Variants in NBEA observed in about 807,000 individuals in gnomAD.
NBEA encodes the protein neurobeachin.
NBEA carries 44 observed loss-of-function variants against 343.4 expected under a neutral mutation model. That is an observed-to-expected ratio of 0.13 (90% CI 0.10 to 0.16). NBEA has a LOEUF of 0.16. Ranked by LOEUF, NBEA falls within the 10% of genes least tolerant of loss-of-function variation. The probability of loss-of-function intolerance (pLI) is 1.00; values close to 1 mark genes in which losing one functional copy is unlikely to be tolerated. For synonymous variants in NBEA, 1,175 were observed against 1,238.7 expected, an observed-to-expected ratio of 0.95 and a Z score of 1.08; for missense variants, 2,555 against 3,631.3, an observed-to-expected ratio of 0.70 and a Z score of 7.62.
intron 35 of NBEA, among the ~76,000 whole-genome samples, chr13:35,299,452 A>G (rs1434277447): frequency 1.1e-4 from 17 of 152,194 alleles, no homozygotes; most frequent in Non-Finnish European, 1.5e-5. Context: ...TGTGAAGAGA[A>G]CATAGGGATT....
rs561129544 is a variant in NBEA at position 35,074,607 on chromosome 13, G to A, written c.1571+3755G>A. Among the ~76,000 whole-genome samples, 5 of 152,270 alleles carry A rather than the reference G, an allele frequency of 3.3e-5. No individual in the cohort carries two copies. The South Asian group carries it at 1.0e-3, about 32-fold the overall frequency. On this transcript the variant is annotated intron_variant, in intron 10 of 58. Transcript: ENST00000379939. ...TGTTTTATACTGTCCGATGTTAGGT[G>A]ATGGGATATTCATGGGTGTGTAGTA...
At chr13:35,620,961 G>A (rs1240577141) in intron 48 of NBEA, among the ~76,000 whole-genome samples, 2 of 152,124 alleles carry the variant, frequency 1.3e-5, no homozygotes, top group Admixed American at 1.3e-4. Flanking sequence ...ATTTTAGAGA[G>A]TTCAGCTAAA....
intron 41 of NBEA, among the ~76,000 whole-genome samples, chr13:35,543,936 C>G (rs963486077): frequency 1.3e-5 from 2 of 152,114 alleles, no homozygotes; most frequent in Non-Finnish European, 2.9e-5. Flanking sequence ...GATCGACTTT[C>G]CTTCAGGGCC....
chr13:35,388,019 A>G (rs546318693), intron 38 of NBEA, among the ~76,000 whole-genome samples: 1 of 152,286 alleles, frequency 6.6e-6, no homozygotes, highest in East Asian at 1.9e-4. Context: ...ACTGAAACAG[A>G]AATGCATTAT....
chr13:35,144,297 G>A (rs2068278880), intron 18 of NBEA, among the ~76,000 whole-genome samples: 1 of 152,128 alleles, frequency 6.6e-6, no homozygotes, highest in African/African-American at 2.4e-5. Flanking sequence ...CAGTAAAAGG[G>A]TAGATATTTC....
chr13:35,468,555 G>A (rs2075501238), intron 40 of NBEA, among the ~76,000 whole-genome samples: 1 of 152,072 alleles, frequency 6.6e-6, no homozygotes. Context: ...GCCCAATCCA[G>A]AGCAAAGCCC....
At chr13:34,971,664 T>C (rs2059999343) in intron 1 of NBEA, among the ~76,000 whole-genome samples, 1 of 152,186 alleles carries the variant, frequency 6.6e-6, no homozygotes, top group Admixed American at 6.5e-5. Flanking sequence ...TTTATTGATT[T>C]TTTTATGTTG....
At chr13:35,661,836 G>T (rs1566477575) in intron 55 of NBEA, among the ~76,000 whole-genome samples, 1 of 152,062 alleles carries the variant, frequency 6.6e-6, no homozygotes, top group Non-Finnish European at 1.5e-5. Context: ...AATATCTTCT[G>T]CCATGATTCT....
chr13:35,290,693 CT>C (rs1404730675), intron 35 of NBEA, among the ~76,000 whole-genome samples: 3 of 150,892 alleles, frequency 2.0e-5, no homozygotes, highest in Non-Finnish European at 4.4e-5. Context: ...TTCTCCTACC[CT>C]TTCGATTCTT....
Position 35,050,274 on chromosome 13 carries a change from G to A in NBEA, c.851G>A (p.Arg284His), listed in dbSNP as rs774093289. The A allele has an allele frequency of 4.1e-5, 66 of 1,607,610 alleles. No individual in the cohort carries two copies. Among genetic ancestry groups the A allele is most frequent in the Non-Finnish European group, 5.0e-5 (59 of 1,177,248 alleles). ...ATTCTCAGTTGTCTTTGCAGTTTTC[G>A]TACTAGCAAAGGAGTTGGTTACTCT... ...DKDKPYLYCF[R>H]TSKGVGYSAH... Residue 284 changes from arginine (R) to histidine (H), a missense_variant, in exon 6 of 59, where the codon CGT (arginine) becomes CAT (histidine). Transcript: ENST00000379939.
At chr13:35,356,696 A>G (rs1422099207) in intron 38 of NBEA, among the ~76,000 whole-genome samples, 1 of 151,888 alleles carries the variant, frequency 6.6e-6, no homozygotes, top group Non-Finnish European at 1.5e-5. Flanking sequence ...TATTCTTTTG[A>G]TCTCTTGTGT....
intron 36 of NBEA, among the ~76,000 whole-genome samples, chr13:35,334,689 T>C (rs1340419231): frequency 3.3e-5 from 5 of 152,230 alleles, no homozygotes; most frequent in Non-Finnish European, 7.3e-5. Flanking sequence ...ATTTGCCCAT[T>C]TCTAAATGGA....
chr13:35,564,490 T>C (rs1388633287), intron 44 of NBEA, among the ~76,000 whole-genome samples: 1 of 152,078 alleles, frequency 6.6e-6, no homozygotes, highest in Admixed American at 6.6e-5. Flanking sequence ...TATATACATA[T>C]AAAAAAAGTA....
At chr13:35,044,868 T>C in intron 2 of NBEA, 79 bp from the exon 3 acceptor site, 2 of 1,035,742 alleles carry the variant, frequency 1.9e-6, no homozygotes, top group East Asian at 5.3e-5. Context: ...ATGATAACTT[T>C]TTTCTTTCAA....
chr13:35,581,202 C>T (rs535026028), intron 45 of NBEA, among the ~76,000 whole-genome samples: 1 of 152,206 alleles, frequency 6.6e-6, no homozygotes, highest in East Asian at 1.9e-4. Context: ...GCCACACTGA[C>T]TTCCACAATG....
intron 31 of NBEA, among the ~76,000 whole-genome samples, chr13:35,202,930 C>G (rs539656146): frequency 2.0e-5 from 3 of 152,130 alleles, no homozygotes; most frequent in Non-Finnish European, 4.4e-5. Flanking sequence ...ATGTTCACCT[C>G]CAGTTCTTAT....
intron 47 of NBEA, among the ~76,000 whole-genome samples, chr13:35,604,443 CCCCTCTTT>C (rs1339561044): frequency 6.6e-6 from 1 of 151,802 alleles, no homozygotes; most frequent in Non-Finnish European, 1.5e-5. Flanking sequence ...TTGTAGATTT[CCCCTCTTT>C]GATAAAGTTC....
chr13:35,536,096 A>AC (rs2078527459), intron 41 of NBEA, among the ~76,000 whole-genome samples: 1 of 152,174 alleles, frequency 6.6e-6, no homozygotes, highest in African/African-American at 2.4e-5. Flanking sequence ...ACCTGTGAAT[A>AC]CCCAGGGGCA....
chr13:34,998,965 A>G (rs1157089482), intron 1 of NBEA, among the ~76,000 whole-genome samples: 1 of 152,142 alleles, frequency 6.6e-6, no homozygotes, highest in African/African-American at 2.4e-5. Context: ...GGCGTAAGAA[A>G]TTATAAAAAT....
Sources: allele counts gnomAD v4.1 joint callset (sites outside exome capture counted in the v4.1 genomes callset), GRCh38; gene constraint gnomAD v4.1.1; transcripts MANE v1.5; gene names NCBI Gene and HGNC (gene_info 2026-07-23, HGNC 2026-07-21).